EBF1: variants seen among roughly 807,000 people sequenced by gnomAD.
The protein encoded by EBF1 is EBF transcription factor 1, also known as transcription factor COE1.
EBF1 carries 10 observed loss-of-function variants against 68.4 expected under a neutral mutation model. That is an observed-to-expected ratio of 0.15 (90% CI 0.09 to 0.25). The LOEUF (loss-of-function observed/expected upper bound fraction) is 0.25. EBF1 is among the 10% of genes least tolerant of loss of function. The pLI is 1.00. For missense variants in EBF1, 509 were observed against 794.4 expected, an observed-to-expected ratio of 0.64 and a Z score of 4.32; for synonymous variants, 298 against 299.8, an observed-to-expected ratio of 0.99 and a Z score of 0.06.
intron 8 of EBF1, among the ~76,000 whole-genome samples, chr5:158,813,893 G>A (rs372734688): frequency 1.0e-3 from 155 of 152,264 alleles, no homozygotes; most frequent in Non-Finnish European, 1.8e-3. Flanking sequence ...GCTTCCACTT[G>A]CCCATAAACA....
chr5:158,874,716 A>G lies in EBF1; in HGVS notation c.555-34606T>C, dbSNP rs191648374. On this transcript the variant is annotated intron_variant, in intron 6 of 15. Coordinates refer to ENST00000313708, the MANE Select transcript of EBF1 (RefSeq NM_024007.5). ...TCTGCAAGACTCGGCAGGAATTATGAGGCTTAACAGCATTCTGACAATTAG... is the reference window on the plus strand; with the variant it reads ...TCTGCAAGACTCGGCAGGAATTATGGGGCTTAACAGCATTCTGACAATTAG... 1.5e-3 allele frequency among the ~76,000 whole-genome samples: 221 copies of G among 152,294 alleles called. 2 individuals are homozygous for G. The highest frequency in any genetic ancestry group is 5.0e-3 in the African/African-American group (209 of 41,556).
intron 6 of EBF1, among the ~76,000 whole-genome samples, chr5:159,067,297 T>G (rs571579054): frequency 6.6e-6 from 1 of 152,332 alleles, no homozygotes; most frequent in East Asian, 1.9e-4. Context: ...TTTCCAGAAC[T>G]GTTACAAAAG....
At chr5:158,909,233 C>G (rs781350279) in intron 6 of EBF1, among the ~76,000 whole-genome samples, 2 of 151,984 alleles carry the variant, frequency 1.3e-5, no homozygotes, top group Admixed American at 1.3e-4. Context: ...TCTGGTGGAA[C>G]GGCAACATAT....
Position 159,031,322 on chromosome 5 carries a change from T to C in EBF1, c.554+42074A>G, listed in dbSNP as rs563224532. 3.2e-4 allele frequency among the ~76,000 whole-genome samples: 48 copies of C among 152,350 alleles called. No individual in the cohort carries two copies. The South Asian group carries it at 9.3e-3, about 30-fold the overall frequency. ...AAGGGATCCTGTATGTGGAATTCTT[T>C]AACAACATGTCCAGAATCCACTAAG... On this transcript the variant is annotated intron_variant, in intron 6 of 15. Coordinates refer to ENST00000313708, the MANE Select transcript of EBF1 (RefSeq NM_024007.5).
chr5:158,989,539 A>C (rs1759837643), intron 6 of EBF1, among the ~76,000 whole-genome samples: 1 of 152,214 alleles, frequency 6.6e-6, no homozygotes, highest in African/African-American at 2.4e-5. Context: ...CCCTGTGATC[A>C]AGGCAGACAG....
At chr5:158,807,105 T>C (rs1781729025) in intron 8 of EBF1, among the ~76,000 whole-genome samples, 1 of 152,172 alleles carries the variant, frequency 6.6e-6, no homozygotes, top group Non-Finnish European at 1.5e-5. Context: ...TTCAATTGGA[T>C]ACCGCTGATC....
In EBF1 at chr5:158,990,976, C is replaced by A. The variant is rs963087159; in HGVS notation, c.554+82420G>T. On this transcript the variant is annotated intron_variant, in intron 6 of 15. Coordinates refer to ENST00000313708, the MANE Select transcript of EBF1 (RefSeq NM_024007.5). ...AGAACTACACTAATGGATCCCAACA[C>A]TGAGCTTTAGTCATAGGACCTGCTC... is the stretch of plus-strand genomic sequence containing the variant. 2.4e-4 allele frequency among the ~76,000 whole-genome samples: 37 copies of A among 152,184 alleles called. 1 individual carries two copies. The highest frequency in any genetic ancestry group is 6.8e-4 in the African/African-American group (28 of 41,432).
chr5:158,960,035 C>T (rs976467735), intron 6 of EBF1, among the ~76,000 whole-genome samples: 1 of 152,134 alleles, frequency 6.6e-6, no homozygotes, highest in African/African-American at 2.4e-5. Flanking sequence ...TAATACCACA[C>T]TCACTCCTTT....
chr5:159,040,593 G>C, intron 6 of EBF1, among the ~76,000 whole-genome samples: 1 of 152,170 alleles, frequency 6.6e-6, no homozygotes, highest in Admixed American at 6.5e-5. Context: ...GAAATACAGA[G>C]AACAAGAATG....
At chr5:158,880,732 T>C (rs900144280) in intron 6 of EBF1, among the ~76,000 whole-genome samples, 5 of 152,200 alleles carry the variant, frequency 3.3e-5, no homozygotes, top group Non-Finnish European at 7.4e-5. Context: ...GTGCACATTT[T>C]TCTAGACAGA....
At chr5:158,996,446 T>C (rs1172130638) in intron 6 of EBF1, among the ~76,000 whole-genome samples, 2 of 152,358 alleles carry the variant, frequency 1.3e-5, no homozygotes, top group East Asian at 3.9e-4. Context: ...TTCTGTCTTT[T>C]ACCCAGAAGT....
chr5:158,881,062 GACTGGGAATAAATAAC>G (rs1434246963), intron 6 of EBF1, among the ~76,000 whole-genome samples: 1 of 152,200 alleles, frequency 6.6e-6, no homozygotes, highest in Non-Finnish European at 1.5e-5. Flanking sequence ...AACAGTCACA[GACTGGGAATAAATAAC>G]ACAAAGAAAC....
chr5:158,906,999 A>G (rs537380553), intron 6 of EBF1, among the ~76,000 whole-genome samples: 2 of 152,338 alleles, frequency 1.3e-5, no homozygotes, highest in African/African-American at 4.8e-5. Flanking sequence ...CTCAGAAAAT[A>G]TTGATGAGCA....
chr5:158,875,085 A>ACACC (rs1797595210), intron 6 of EBF1, among the ~76,000 whole-genome samples: 2 of 151,382 alleles, frequency 1.3e-5, no homozygotes, highest in African/African-American at 4.9e-5. Context: ...ACACACACAC[A>ACACC]CACCAGGCAG....
At position 159,099,417 on chromosome 5, in the gene EBF1, C is replaced by G; in HGVS notation, c.62G>C (p.Gly21Ala). The G allele has an allele frequency of 6.2e-7, 1 of 1,601,864 alleles. No homozygotes were observed. The highest frequency in any genetic ancestry group is 8.5e-7 in the Non-Finnish European group (1 of 1,174,246). Residue 21 changes from glycine to alanine, a missense_variant, in exon 1 of 16, where the codon GGC becomes GCC. This residue lies in a region of EBF1 where 74 missense variants were observed against 79.4 expected (regional missense o/e 0.93). Coordinates refer to ENST00000313708, the MANE Select transcript of EBF1 (RefSeq NM_024007.5). ...CGTCCGCACCGCGTTCATGCCGCTG[C>G]CCAGCGGCTCTTCCTTCATGCTGCT... is the stretch of plus-strand genomic sequence containing the variant. ...SGSSMKEEPL[G>A]SGMNAVRTWM... is the part of the protein sequence containing the mutation.
intron 6 of EBF1, among the ~76,000 whole-genome samples, chr5:158,875,450 T>C (rs1797654776): frequency 6.6e-6 from 1 of 152,232 alleles, no homozygotes; most frequent in South Asian, 2.1e-4. Flanking sequence ...ACTTCCCTCA[T>C]ATACATAAGC....
At chr5:158,735,641 T>C (rs1353408724) in intron 10 of EBF1, among the ~76,000 whole-genome samples, 1 of 152,230 alleles carries the variant, frequency 6.6e-6, no homozygotes, top group East Asian at 1.9e-4. Context: ...GTATCTGTTG[T>C]ATGCACCAGG....
At chr5:158,979,960 A>T (rs533973247) in intron 6 of EBF1, among the ~76,000 whole-genome samples, 57 of 152,216 alleles carry the variant, frequency 3.7e-4, no homozygotes, top group African/African-American at 1.3e-3. Context: ...TCTACCCACA[A>T]GTCACTGGGA....
intron 10 of EBF1, among the ~76,000 whole-genome samples, chr5:158,751,771 A>C (rs1434198457): frequency 6.6e-6 from 1 of 152,160 alleles, no homozygotes; most frequent in Non-Finnish European, 1.5e-5. Flanking sequence ...AAATGAATAC[A>C]TCTTTAAAAT....
Sources: allele counts gnomAD v4.1 joint callset (sites outside exome capture counted in the v4.1 genomes callset), GRCh38; gene constraint gnomAD v4.1.1; regional missense constraint gnomAD v4.1.1; transcripts MANE v1.5; gene names NCBI Gene and HGNC (gene_info 2026-07-23, HGNC 2026-07-21).